ITPRID2: variants seen among roughly 807,000 people sequenced by gnomAD.
The protein encoded by ITPRID2 is ITPR interacting domain containing 2, also known as protein ITPRID2.
Under a neutral mutation model 124.3 loss-of-function variants are expected in ITPRID2, and 60 were observed. The observed-to-expected ratio is 0.48, with a 90% confidence interval of 0.39 to 0.60. ITPRID2 has a LOEUF of 0.60. ITPRID2 is among the 20% of genes least tolerant of loss of function. The pLI, the probability that ITPRID2 is intolerant of heterozygous loss-of-function variation, is 0.00. For missense variants in ITPRID2, 1,553 were observed against 1,512.2 expected (o/e 1.03, Z -0.45); for synonymous variants, 521 against 542.9 (o/e 0.96, Z 0.56).
rs1693041853 is a variant in ITPRID2 at position 181,905,509 on chromosome 2, TTAA to T, written c.1413+3044_1413+3046del. Among the ~76,000 whole-genome samples, 1 of 152,164 alleles carries T rather than the reference TTAA, an allele frequency of 6.6e-6. No individual in the cohort carries two copies. The highest frequency in any genetic ancestry group is 1.9e-4 in the East Asian group (1 of 5,190). On this transcript the variant is annotated intron_variant, in intron 8 of 17. Transcript: ENST00000431877. The surrounding 1 kb of genome is among the most constrained non-coding windows in gnomAD (Gnocchi z 4.1). ...ATTAGTAGTGTGAATGATTCACAAGTTAAACCAAAATGATCCTTCTCAAGCAGA... is the reference window on the plus strand; with the variant it reads ...ATTAGTAGTGTGAATGATTCACAAGTACCAAAATGATCCTTCTCAAGCAGA...
At chr2:181,918,394 T>A (rs576806568) in intron 11 of ITPRID2, 1 of 1,343,546 alleles carries the variant, frequency 7.4e-7, no homozygotes, top group South Asian at 2.2e-5. Context: ...CCACGTAGAT[T>A]GACTTATACC....
intron 2 of ITPRID2, among the ~76,000 whole-genome samples, 182 bp from the exon 3 acceptor site, chr2:181,895,848 T>G (rs1396961614): frequency 6.6e-6 from 1 of 152,020 alleles, no homozygotes; most frequent in Non-Finnish European, 1.5e-5. Context: ...TGATGGCAGG[T>G]ATTTGCTTAG....
Position 181,896,085 on chromosome 2 carries a change from A to G in ITPRID2, c.307+6A>G, listed in dbSNP as rs752071361. ...AAGCAGTAGTACACTCAAGGGTAAG[A>G]GAAGGTTGCCTTTCTAAATCTGTTC... is the stretch of plus-strand genomic sequence containing the variant. On this transcript the variant is annotated splice_donor_region_variant and intron_variant, in intron 3 of 17. Coordinates refer to ENST00000431877, the MANE Select transcript of ITPRID2 (RefSeq NM_001130445.3). The surrounding 1 kb of genome is among the most constrained non-coding windows in gnomAD (Gnocchi z 4.3). The G allele has an allele frequency of 4.3e-6, 7 of 1,612,348 alleles. No individual in the cohort carries two copies. The South Asian group carries it at 7.7e-5, about 18-fold the overall frequency.
chr2:181,925,651 T>C (rs1690409069), intron 16 of ITPRID2, among the ~76,000 whole-genome samples: 1 of 152,304 alleles, frequency 6.6e-6, no homozygotes, highest in African/African-American at 2.4e-5. Flanking sequence ...TATGCTGAGA[T>C]ACACTGATAA....
At position 181,900,729 on chromosome 2, in the gene ITPRID2, T is replaced by A; in HGVS notation, c.537T>A (p.Asp179Glu). ...VSELLELYEEDPEEILYNLGF... is the reference protein window; with the variant it reads ...VSELLELYEEEPEEILYNLGF... ...AATTGTTGGAACTTTATGAGGAAGA[T>A]CCTGAAGAAATTCTTTATAATCTTG... The change falls in exon 7 of 18, where the codon GAT becomes GAA. Residue 179 changes from aspartate (D) to glutamate (E), a missense_variant. By Grantham distance (45) the Asp-to-Glu change is conservative. Coordinates refer to ENST00000431877, the MANE Select transcript of ITPRID2 (RefSeq NM_001130445.3). 2 of 1,611,810 alleles carry A rather than the reference T, an allele frequency of 1.2e-6. No homozygotes were observed. Among genetic ancestry groups the A allele is most frequent in the Non-Finnish European group, 1.7e-6 (2 of 1,179,110 alleles).
intron 4 of ITPRID2, among the ~76,000 whole-genome samples, chr2:181,897,912 A>G (rs1574205161): frequency 6.6e-6 from 1 of 152,020 alleles, no homozygotes; most frequent in Middle Eastern, 3.2e-3. Context: ...CAAGCTCTAT[A>G]AAGAGCTTAA....
intron 8 of ITPRID2, among the ~76,000 whole-genome samples, chr2:181,906,959 C>T (rs1479773133): frequency 1.3e-5 from 2 of 152,086 alleles, no homozygotes; most frequent in South Asian, 2.1e-4. Flanking sequence ...AGAATGATTT[C>T]CTCTGACATT....
Position 181,922,369 on chromosome 2 carries a change from A to C in ITPRID2, c.3632A>C (p.His1211Pro), listed in dbSNP as rs1235468211. The change falls in exon 16 of 18, where the codon CAT becomes CCT. Residue 1211 changes from histidine (H) to proline (P), a missense_variant. Transcript: ENST00000431877. Reference protein sequence around the residue: ...LPSMPAAEEMHKNVEQDELQQ... With the variant: ...LPSMPAAEEMPKNVEQDELQQ... Reference sequence around the variant, plus strand: ...TCAATGCCAGCTGCTGAGGAAATGCATAAAAATGTGGAGCAAGATGAGTTG... The same window carrying C: ...TCAATGCCAGCTGCTGAGGAAATGCCTAAAAATGTGGAGCAAGATGAGTTG... 1.9e-6 allele frequency: 3 copies of C among 1,613,762 alleles called. No homozygotes were observed. The African/African-American group carries it at 4.0e-5, about 22-fold the overall frequency.
At chr2:181,923,932 C>T (rs1694671890) in intron 16 of ITPRID2, among the ~76,000 whole-genome samples, 1 of 152,106 alleles carries the variant, frequency 6.6e-6, no homozygotes, top group South Asian at 2.1e-4. Flanking sequence ...TAGTTATTCC[C>T]ATTAGGCTGC....
chr2:181,903,172 G>A (rs1392257349), intron 8 of ITPRID2, among the ~76,000 whole-genome samples: 1 of 152,204 alleles, frequency 6.6e-6, no homozygotes, highest in Non-Finnish European at 1.5e-5. Flanking sequence ...CTGAATAGTA[G>A]GAGCTGAATA....
At position 181,915,788 on chromosome 2, in the gene ITPRID2, A is replaced by C; in HGVS notation, c.2148A>C (p.Lys716Asn). ...SNQRMGRSLLKSKDLLKQRYL... is the reference protein window; with the variant it reads ...SNQRMGRSLLNSKDLLKQRYL... Reference sequence around the variant, plus strand: ...AAAGGATGGGGCGTAGCCTGCTAAAATCAAAAGATTTGTTAAAACAAAGGT... The same window carrying C: ...AAAGGATGGGGCGTAGCCTGCTAAACTCAAAAGATTTGTTAAAACAAAGGT... The change falls in exon 11 of 18, where the codon AAA becomes AAC. Residue 716 changes from lysine (K) to asparagine (N), a missense_variant. Lys to Asn is a moderately conservative substitution (Grantham distance 94). Transcript: ENST00000431877. The C allele has an allele frequency of 6.2e-7, 1 of 1,614,182 alleles. No homozygotes were observed. The highest frequency in any genetic ancestry group is 8.5e-7 in the Non-Finnish European group (1 of 1,180,046).
In ITPRID2 at chr2:181,907,831, C is replaced by T. The variant is rs1693272280; in HGVS notation, c.1414-2068C>T. On this transcript the variant is annotated intron_variant, in intron 8 of 17. Transcript: ENST00000431877. The surrounding 1 kb of genome is among the most constrained non-coding windows in gnomAD (Gnocchi z 5.1). ...TCAGCAAGTGGGTACTCTGATTTTG[C>T]TGAGTAAACAAGAAGAATCCCAACT... Among the ~76,000 whole-genome samples the T allele has an allele frequency of 6.6e-6, 1 of 152,090 alleles. No individual in the cohort carries two copies. Among genetic ancestry groups the T allele is most frequent in the African/African-American group, 2.4e-5 (1 of 41,402 alleles).
rs1380003117 is a variant in ITPRID2 at position 181,905,816 on chromosome 2, A to C, written c.1413+3350A>C. 6.6e-6 allele frequency among the ~76,000 whole-genome samples: 1 copy of C among 152,180 alleles called. No homozygotes were observed. Among genetic ancestry groups the C allele is most frequent in the Non-Finnish European group, 1.5e-5 (1 of 68,022 alleles). On this transcript the variant is annotated intron_variant, in intron 8 of 17. Transcript: ENST00000431877. The surrounding 1 kb of genome is among the most constrained non-coding windows in gnomAD (Gnocchi z 4.1). ...TTTTCTATGTTTATTGGTCTGAGTT[A>C]AAATAATCCCACATCAGTCAGATAT...
intron 8 of ITPRID2, among the ~76,000 whole-genome samples, chr2:181,906,870 G>T (rs1004151076): frequency 2.0e-5 from 3 of 152,320 alleles, no homozygotes; most frequent in Admixed American, 6.5e-5. Context: ...CTTGGTGAAG[G>T]TCAGATATGT....
At chr2:181,926,462 C>T (rs1184813863) in intron 16 of ITPRID2, among the ~76,000 whole-genome samples, 4 of 149,466 alleles carry the variant, frequency 2.7e-5, no homozygotes. Flanking sequence ...GCCTGTAATC[C>T]CAGCACTTTG....
Position 181,896,833 on chromosome 2 carries a change from T to C in ITPRID2, c.308-75T>C. 1 of 1,180,652 alleles carries C rather than the reference T, an allele frequency of 8.5e-7. No individual in the cohort carries two copies. Among genetic ancestry groups the C allele is most frequent in the Non-Finnish European group, 1.3e-6 (1 of 794,966 alleles). The allele number at this position is 1,180,652 out of a possible 1,614,324, so 73.1% of individuals were successfully genotyped here. On this transcript the variant is annotated intron_variant, in intron 3 of 17. Coordinates refer to ENST00000431877, the MANE Select transcript of ITPRID2 (RefSeq NM_001130445.3). The surrounding 1 kb of genome is among the most constrained non-coding windows in gnomAD (Gnocchi z 4.3). The stretch of plus-strand genomic sequence containing the variant: ...TATAAGATATTTTGCTGGGTGAATT[T>C]AACTAAAACAGTGATTTTATATGAG...
intron 16 of ITPRID2, 104 bp downstream of exon 16, chr2:181,922,516 T>A: frequency 9.1e-7 from 1 of 1,093,984 alleles, no homozygotes; most frequent in Non-Finnish European, 1.3e-6. Flanking sequence ...TTCACTGTAT[T>A]CAATAATTTT....
Position 181,919,389 on chromosome 2 carries a change from G to C in ITPRID2, c.3087G>C (p.Leu1029=). ...AGCTGGAGGAGCGCCTGCTGGGCCT[G>C]GAGGAGCAGCTTCGTGCTGTGCGCA... ...ELQLEERLLG[L]EEQLRAVRMP... Residue 1029 remains leucine, a synonymous_variant, in exon 14 of 18, where the codon CTG becomes CTC. Transcript: ENST00000431877. The surrounding 1 kb of genome is among the most constrained non-coding windows in gnomAD (Gnocchi z 4.2). The C allele has an allele frequency of 1.2e-6, 2 of 1,613,834 alleles. No homozygotes were observed. Among genetic ancestry groups the C allele is most frequent in the Non-Finnish European group, 1.7e-6 (2 of 1,179,890 alleles).
chr2:181,923,697 A>T (rs947574500), intron 16 of ITPRID2, among the ~76,000 whole-genome samples: 2 of 151,994 alleles, frequency 1.3e-5, no homozygotes, highest in Non-Finnish European at 2.9e-5. Flanking sequence ...TTTTCTAGAA[A>T]TGTGATGGTT....
Sources: gnomAD v4.1 joint callset for allele counts (sites outside exome capture counted in the v4.1 genomes callset) on GRCh38, gnomAD v4.1.1 for gene constraint, Gnocchi (gnomAD v3.1) non-coding constraint, MANE v1.5 for transcripts, NCBI Gene and HGNC (gene_info 2026-07-23, HGNC 2026-07-21) for gene names.